Variants in FAT3 observed in about 807,000 individuals in gnomAD.
FAT3 encodes the protein protocadherin Fat 3.
FAT3 carries 95 observed loss-of-function variants against 310.2 expected under a neutral mutation model. The ratio of observed to expected loss-of-function variants is 0.31; its 90% CI spans 0.26 to 0.36. FAT3 has a LOEUF of 0.36. FAT3 is among the 10% of genes least tolerant of loss of function. FAT3 has a pLI of 1.00. For synonymous variants in FAT3, 2,314 were observed against 2,192.9 expected, an observed-to-expected ratio of 1.06 and a Z score of -1.54; for missense variants, 5,408 against 5,715.6, an observed-to-expected ratio of 0.95 and a Z score of 1.74.
intron 3 of FAT3, among the ~76,000 whole-genome samples, chr11:92,547,671 A>T (rs1464653613): frequency 3.9e-5 from 6 of 152,016 alleles, no homozygotes; most frequent in African/African-American, 1.4e-4. Flanking sequence ...GCATGTATGT[A>T]GAGACCCCAG....
At chr11:92,791,581 G>A (rs1947041019) in intron 8 of FAT3, among the ~76,000 whole-genome samples, 1 of 152,150 alleles carries the variant, frequency 6.6e-6, no homozygotes, top group Admixed American at 6.6e-5. Context: ...AATATTTACA[G>A]CAAACAAGTG....
chr11:92,579,157 G>T (rs555262086), intron 3 of FAT3, among the ~76,000 whole-genome samples: 2 of 152,006 alleles, frequency 1.3e-5, no homozygotes, highest in African/African-American at 4.8e-5. Context: ...GCTACATCAG[G>T]ATCCTACAAC....
chr11:92,346,425 A>G (rs1156567816), intron 1 of FAT3, among the ~76,000 whole-genome samples: 2 of 152,122 alleles, frequency 1.3e-5, no homozygotes, highest in African/African-American at 2.4e-5. Context: ...GCTTTTGGCC[A>G]TGTCACCATG....
chr11:92,408,754 T>C (rs1453858342), intron 2 of FAT3, among the ~76,000 whole-genome samples: 1 of 152,152 alleles, frequency 6.6e-6, no homozygotes, highest in East Asian at 1.9e-4. Context: ...CCTATGTGAA[T>C]AAGTGGTGAT....
chr11:92,601,427 T>C (rs1490258294), intron 3 of FAT3, among the ~76,000 whole-genome samples: 1 of 152,076 alleles, frequency 6.6e-6, no homozygotes, highest in African/African-American at 2.4e-5. Context: ...ATATACTGTC[T>C]CTACTAAAAG....
intron 1 of FAT3, among the ~76,000 whole-genome samples, chr11:92,330,575 A>G (rs1472407391): frequency 6.6e-6 from 1 of 152,218 alleles, no homozygotes; most frequent in African/African-American, 2.4e-5. Flanking sequence ...CAGGGTCCCA[A>G]GACAAACAGA....
chr11:92,657,115 T>C (rs895385456), intron 3 of FAT3, among the ~76,000 whole-genome samples: 1 of 152,062 alleles, frequency 6.6e-6, no homozygotes, highest in Non-Finnish European at 1.5e-5. Context: ...AAAGTCACAT[T>C]GGTAAGCATT....
chr11:92,559,381 T>C, intron 3 of FAT3: 1 of 188,730 alleles, frequency 5.3e-6, no homozygotes, highest in Non-Finnish European at 1.1e-5. Flanking sequence ...TTACTTATTT[T>C]CCTTTTTTTT....
chr11:92,834,856 A>G lies in FAT3; in HGVS notation c.9872-14A>G, dbSNP rs1201764208. ...TTCCTAATGAAATATAAAGCTCCCC[A>G]TTTTTCTTCAAAGGGGGTATTTCTG... On this transcript the variant is annotated splice_polypyrimidine_tract_variant and intron_variant, in intron 14 of 27. Transcript: ENST00000525166. 2 of 1,582,764 alleles carry G rather than the reference A, an allele frequency of 1.3e-6. No individual in the cohort carries two copies. Among genetic ancestry groups the G allele is most frequent in the Admixed American group, 1.8e-5 (1 of 56,516 alleles).
At chr11:92,703,248 C>A (rs1944158144) in intron 4 of FAT3, among the ~76,000 whole-genome samples, 1 of 152,228 alleles carries the variant, frequency 6.6e-6, no homozygotes. Flanking sequence ...GCTGAGAGCA[C>A]ACCCTTAACA....
At chr11:92,450,548 A>G (rs997087778) in intron 2 of FAT3, among the ~76,000 whole-genome samples, 3 of 152,208 alleles carry the variant, frequency 2.0e-5, no homozygotes, top group Admixed American at 6.5e-5. Flanking sequence ...AAGACTGGAA[A>G]CAATTAGCAG....
At chr11:92,446,003 G>A (rs569817216) in intron 2 of FAT3, among the ~76,000 whole-genome samples, 8 of 152,196 alleles carry the variant, frequency 5.3e-5, no homozygotes, top group East Asian at 3.9e-4. Flanking sequence ...CTCTTAATTC[G>A]TTTGCTAATC....
At chr11:92,595,070 T>TACTCCACACAAACCATGTGC (rs1325797432) in intron 3 of FAT3, among the ~76,000 whole-genome samples, 2 of 152,028 alleles carry the variant, frequency 1.3e-5, no homozygotes, top group African/African-American at 4.8e-5. Context: ...TGCCCATGTG[T>TACTCCACACAAACCATGTGC]ACTCCACACA....
chr11:92,262,140 T>C (rs1309194060), intron 1 of FAT3, among the ~76,000 whole-genome samples: 2 of 152,096 alleles, frequency 1.3e-5, no homozygotes, highest in East Asian at 1.9e-4. Flanking sequence ...GGAATAGTGG[T>C]AAGAACCTCC....
rs2136420183 is a variant in FAT3 at position 92,883,539 on chromosome 11, T to C, written c.12937+146T>C. 1 of 1,137,404 alleles carries C rather than the reference T, an allele frequency of 8.8e-7. No homozygotes were observed. Among genetic ancestry groups the C allele is most frequent in the Admixed American group, 2.9e-5 (1 of 34,590 alleles). The allele number at this position is 1,137,404 out of a possible 1,614,324, so 70.5% of individuals were successfully genotyped here. On this transcript the variant is annotated intron_variant, in intron 24 of 27. Transcript: ENST00000525166. The surrounding 1 kb of genome is among the most constrained non-coding windows in gnomAD (Gnocchi z 4.2). ...GCTGATGTCGAATGTGCACACCAGC[T>C]CTGGAAAATTGTCCTGGTTCTGGTT...
At chr11:92,694,047 C>G (rs184688098) in intron 3 of FAT3, among the ~76,000 whole-genome samples, 108 of 152,276 alleles carry the variant, frequency 7.1e-4, no homozygotes, top group Admixed American at 3.4e-3. Context: ...TTTCTAACAG[C>G]TTTATTAGCA....
intron 2 of FAT3, among the ~76,000 whole-genome samples, chr11:92,432,171 C>T (rs1234651008): frequency 4.6e-5 from 7 of 152,124 alleles, no homozygotes; most frequent in African/African-American, 1.4e-4. Context: ...TCTTTTATTT[C>T]GTTGAGCAGT....
At position 92,798,546 on chromosome 11, in the gene FAT3, G is replaced by T. The variant is rs1188181623; in HGVS notation, c.5533G>T (p.Ala1845Ser). The change falls in exon 10 of 28, where the codon GCC becomes TCC. Residue 1845 changes from alanine (A) to serine (S), a missense_variant. Physicochemically the swap from Ala to Ser is moderately conservative, Grantham distance 99. This residue lies in a region of FAT3 where 4,588 missense variants were observed against 4,809.8 expected (regional missense o/e 0.95). Transcript: ENST00000525166. ...TGCCAACCTGGACCATGAAACCATT[G>T]CCCATTTCCATTTTCATGTGCATGT... ...TIANLDHETI[A>S]HFHFHVHVRD... 2 of 1,613,694 alleles carry T rather than the reference G, an allele frequency of 1.2e-6. No homozygotes were observed. The highest frequency in any genetic ancestry group is 2.2e-5 in the East Asian group (1 of 44,824).
intron 3 of FAT3, among the ~76,000 whole-genome samples, chr11:92,571,587 A>G (rs1193727515): frequency 6.6e-6 from 1 of 152,218 alleles, no homozygotes; most frequent in Non-Finnish European, 1.5e-5. Flanking sequence ...ATTTTGTGAA[A>G]CATCATCTTT....
Sources: gnomAD v4.1 joint callset for allele counts (sites outside exome capture counted in the v4.1 genomes callset) on GRCh38, gnomAD v4.1.1 for gene constraint, gnomAD v4.1.1 regional missense constraint, Gnocchi (gnomAD v3.1) non-coding constraint, MANE v1.5 for transcripts, NCBI Gene and HGNC (gene_info 2026-07-23, HGNC 2026-07-21) for gene names.